MACROD2: variants seen among roughly 807,000 people sequenced by gnomAD.
MACROD2 encodes the protein ADP-ribose glycohydrolase MACROD2.
Under a neutral mutation model 70.4 loss-of-function variants are expected in MACROD2, and 36 were observed. The observed-to-expected ratio is 0.51, with a 90% CI of 0.39 to 0.68. MACROD2 has a LOEUF of 0.68. Ranked by LOEUF, MACROD2 falls within the 30% of genes least tolerant of loss-of-function variation. The probability of loss-of-function intolerance (pLI) is 0.00; values close to 1 mark genes in which losing one functional copy is unlikely to be tolerated. For missense variants in MACROD2, 496 were observed against 538.4 expected, an observed-to-expected ratio of 0.92 and a Z score of 0.78; for synonymous variants, 172 against 178.8, an observed-to-expected ratio of 0.96 and a Z score of 0.30.
At position 15,451,417 on chromosome 20, in the gene MACROD2, TAAAAAAAA is replaced by T. The variant is rs35308671; in HGVS notation, c.571+20001_571+20008del. On this transcript the variant is annotated intron_variant, in intron 7 of 17. Coordinates refer to ENST00000684519, the MANE Select transcript of MACROD2 (RefSeq NM_001351661.2). ...AGCAAATCTCCTGAAGGGTGGTAAA[TAAAAAAAA>T]AAAAAAAAAAAAAAAAAAGAGTCAC... Among the ~76,000 whole-genome samples, 77 of 83,386 alleles carry T rather than the reference TAAAAAAAA, an allele frequency of 9.2e-4. 2 individuals carry two copies. The highest frequency in any genetic ancestry group is 2.9e-3 in the African/African-American group (66 of 22,412). The allele number at this position is 83,386 out of a possible 152,430, so 54.7% of individuals were successfully genotyped here. A position where few individuals can be genotyped will look rare whatever the true frequency, so the allele number is the denominator to read the frequency against.
At chr20:14,459,490 G>T (rs777301771) in intron 3 of MACROD2, among the ~76,000 whole-genome samples, 1 of 151,774 alleles carries the variant, frequency 6.6e-6, no homozygotes, top group Admixed American at 6.6e-5. Context: ...AAATATTATG[G>T]CATATAAACA....
At chr20:14,239,880 C>T (rs2081913774) in intron 3 of MACROD2, among the ~76,000 whole-genome samples, 1 of 152,092 alleles carries the variant, frequency 6.6e-6, no homozygotes, top group Admixed American at 6.5e-5. Flanking sequence ...AAACTATTAG[C>T]ACAGTAAAGA....
At chr20:15,679,868 G>A (rs1008981532) in intron 8 of MACROD2, among the ~76,000 whole-genome samples, 1 of 152,318 alleles carries the variant, frequency 6.6e-6, no homozygotes, top group South Asian at 2.1e-4. Context: ...TTCCAGACCT[G>A]CAGAAATGTG....
chr20:15,128,603 G>C (rs1221155590), intron 5 of MACROD2, among the ~76,000 whole-genome samples: 2 of 152,030 alleles, frequency 1.3e-5, no homozygotes, highest in Non-Finnish European at 2.9e-5. Context: ...AATTCTAGCT[G>C]TGAGGGCCAA....
At chr20:14,902,254 C>T (rs565982424) in intron 5 of MACROD2, among the ~76,000 whole-genome samples, 17 of 152,084 alleles carry the variant, frequency 1.1e-4, no homozygotes, top group Admixed American at 2.6e-4. Flanking sequence ...TTTCAAAATT[C>T]GCGGTGAAGG....
At chr20:14,108,123 A>C (rs1328853761) in intron 3 of MACROD2, among the ~76,000 whole-genome samples, 1 of 152,148 alleles carries the variant, frequency 6.6e-6, no homozygotes, top group African/African-American at 2.4e-5. Context: ...GTGGGGGATG[A>C]AGTTAAGGTA....
At chr20:14,297,342 A>C (rs1203019235) in intron 3 of MACROD2, among the ~76,000 whole-genome samples, 2 of 152,036 alleles carry the variant, frequency 1.3e-5, no homozygotes, top group East Asian at 3.8e-4. Flanking sequence ...CCATGTCAAA[A>C]GCCAAGATAG....
intron 6 of MACROD2, among the ~76,000 whole-genome samples, chr20:15,288,192 T>G (rs547142319): frequency 1.6e-4 from 24 of 152,312 alleles, no homozygotes; most frequent in African/African-American, 5.3e-4. Flanking sequence ...AGTTGAAATT[T>G]TGAAGAATTC....
At chr20:15,854,184 T>C (rs1225667453) in intron 8 of MACROD2, among the ~76,000 whole-genome samples, 1 of 152,196 alleles carries the variant, frequency 6.6e-6, no homozygotes, top group African/African-American at 2.4e-5. Flanking sequence ...TCAGTCTGGC[T>C]AATTACAAAC....
intron 4 of MACROD2, among the ~76,000 whole-genome samples, chr20:14,540,943 G>C (rs970298246): frequency 6.6e-6 from 1 of 152,136 alleles, no homozygotes; most frequent in Non-Finnish European, 1.5e-5. Flanking sequence ...TCTGCCAACT[G>C]TCCATAATTA....
chr20:15,726,941 C>A (rs2050871773), intron 8 of MACROD2, among the ~76,000 whole-genome samples: 1 of 151,956 alleles, frequency 6.6e-6, no homozygotes, highest in Admixed American at 6.6e-5. Flanking sequence ...TAATTAGGTC[C>A]CATTTGTCAA....
At chr20:14,400,569 A>G (rs866407444) in intron 3 of MACROD2, among the ~76,000 whole-genome samples, 10 of 152,118 alleles carry the variant, frequency 6.6e-5, no homozygotes, top group African/African-American at 1.9e-4. Context: ...TCTGGGTGCC[A>G]TACTCCATTT....
intron 6 of MACROD2, among the ~76,000 whole-genome samples, chr20:15,429,446 A>G (rs1187546325): frequency 6.6e-6 from 1 of 152,184 alleles, no homozygotes; most frequent in African/African-American, 2.4e-5. Context: ...AGAAAAAAGC[A>G]TATATCATTT....
intron 6 of MACROD2, among the ~76,000 whole-genome samples, chr20:15,318,240 T>C (rs1413211095): frequency 6.6e-6 from 1 of 152,100 alleles, no homozygotes; most frequent in Non-Finnish European, 1.5e-5. Flanking sequence ...TGGATGAAAT[T>C]GACAATTCTC....
chr20:14,900,924 C>A (rs2073887810), intron 5 of MACROD2, among the ~76,000 whole-genome samples: 1 of 151,916 alleles, frequency 6.6e-6, no homozygotes, highest in African/African-American at 2.4e-5. Flanking sequence ...AAAATTGAAA[C>A]CAATTCTATT....
intron 8 of MACROD2, among the ~76,000 whole-genome samples, chr20:15,828,145 A>G (rs2064017239): frequency 6.6e-6 from 1 of 152,184 alleles, no homozygotes; most frequent in South Asian, 2.1e-4. Context: ...TATCACAAAA[A>G]TGATAAGGAT....
At chr20:14,182,426 T>C (rs2148732008) in intron 3 of MACROD2, among the ~76,000 whole-genome samples, 1 of 152,246 alleles carries the variant, frequency 6.6e-6, no homozygotes, top group East Asian at 1.9e-4. Flanking sequence ...ATCCTTTGGG[T>C]TGTCTTTTCA....
chr20:14,399,863 A>G (rs1321398426), intron 3 of MACROD2, among the ~76,000 whole-genome samples: 1 of 151,888 alleles, frequency 6.6e-6, no homozygotes, highest in Non-Finnish European at 1.5e-5. Flanking sequence ...TTTTAGTTCC[A>G]CCTACTGTAT....
intron 5 of MACROD2, among the ~76,000 whole-genome samples, chr20:15,002,243 T>C (rs112181025): frequency 0.021 from 3,263 of 152,306 alleles, 69 homozygotes; most frequent in Admixed American, 0.047. Flanking sequence ...AGTGTAGACA[T>C]GTTCCTTTTT....
Sources: allele counts gnomAD v4.1 joint callset (sites outside exome capture counted in the v4.1 genomes callset), GRCh38; gene constraint gnomAD v4.1.1; transcripts MANE v1.5; gene names NCBI Gene and HGNC (gene_info 2026-07-23, HGNC 2026-07-21).